Variants in CELA1 observed in about 807,000 individuals in gnomAD.
CELA1 encodes the protein chymotrypsin like elastase 1, also known as chymotrypsin-like elastase family member 1.
CELA1 carries 28 observed loss-of-function variants against 34.8 expected under a neutral mutation model. That is an observed-to-expected ratio of 0.80 (90% CI 0.60 to 1.10). The LOEUF (loss-of-function observed/expected upper bound fraction) is 1.10. Among genes scored for constraint, CELA1 ranks in the 50% least tolerant of loss-of-function variants. The probability of loss-of-function intolerance (pLI) is 0.00; values close to 1 mark genes in which losing one functional copy is unlikely to be tolerated. For missense variants in CELA1, 288 were observed against 327.5 expected, an observed-to-expected ratio of 0.88 and a Z score of 0.93; for synonymous variants, 140 against 129.8, an observed-to-expected ratio of 1.08 and a Z score of -0.53.
intron 6 of CELA1, among the ~76,000 whole-genome samples, chr12:51,333,051 G>A (rs916858765): frequency 5.3e-5 from 8 of 150,884 alleles, no homozygotes; most frequent in African/African-American, 1.2e-4. Context: ...TGCCTCAGCC[G>A]CCTGAGTAGC....
intron 6 of CELA1, among the ~76,000 whole-genome samples, chr12:51,338,769 C>T (rs1946515414): frequency 6.6e-6 from 1 of 152,164 alleles, no homozygotes; most frequent in Admixed American, 6.5e-5. Flanking sequence ...GCACTTAGCA[C>T]AATGCCTGGC....
chr12:51,345,945 T>A, intron 1 of CELA1, 68 bp from the exon 2 acceptor site: 1 of 1,075,470 alleles, frequency 9.3e-7, no homozygotes, highest in Non-Finnish European at 1.4e-6. Context: ...GGGTGGGGGG[T>A]GGCGATTGTG....
chr12:51,335,312 G>A (rs954769005), intron 6 of CELA1, among the ~76,000 whole-genome samples: 1 of 151,358 alleles, frequency 6.6e-6, no homozygotes, highest in Admixed American at 6.6e-5. Context: ...GCTGGAGTGC[G>A]GTGGTGCGAT....
chr12:51,341,097 AT>A lies in CELA1; in HGVS notation c.463+146del. ...TACTTCACAGCCCATTCTTAGCTTG[AT>A]ATAATGCATCAGTTATTGTATCTAT... On this transcript the variant is annotated intron_variant, in intron 5 of 7. Coordinates refer to ENST00000293636, the MANE Select transcript of CELA1 (RefSeq NM_001971.6). 4.1e-6 allele frequency: 3 copies of A among 728,946 alleles called. No homozygotes were observed. The East Asian group carries it at 7.7e-5, about 19-fold the overall frequency. 45.2% of individuals were successfully genotyped at this position (728,946 alleles called of 1,614,324 possible).
At chr12:51,340,095 T>C in intron 5 of CELA1, 90 bp from the exon 6 acceptor site, 1 of 1,252,038 alleles carries the variant, frequency 8.0e-7, no homozygotes, top group Non-Finnish European at 1.1e-6. Flanking sequence ...CAAACTCTCG[T>C]GAAAGCTGAG....
intron 7 of CELA1, 29 bp from the exon 8 acceptor site, chr12:51,328,623 C>G: frequency 6.2e-7 from 1 of 1,610,818 alleles, no homozygotes; most frequent in Non-Finnish European, 8.5e-7. Context: ...TGTCCACAGT[C>G]AGTAACTCCT....
At chr12:51,339,503 A>G (rs1328792080) in intron 6 of CELA1, among the ~76,000 whole-genome samples, 4 of 152,154 alleles carry the variant, frequency 2.6e-5, no homozygotes, top group Non-Finnish European at 5.9e-5. Context: ...GTGAGCCGAG[A>G]TCGTCCCATT....
intron 7 of CELA1, 85 bp from the exon 8 acceptor site, chr12:51,328,679 T>C: frequency 6.7e-7 from 1 of 1,490,624 alleles, no homozygotes; most frequent in African/African-American, 1.4e-5. Flanking sequence ...TTAAGTATGG[T>C]TTTGTACTGG....
chr12:51,329,911 G>T, intron 6 of CELA1, 78 bp from the exon 7 acceptor site: 2 of 1,386,302 alleles, frequency 1.4e-6, no homozygotes, highest in Non-Finnish European at 2.0e-6. Flanking sequence ...CCCGTCTCTG[G>T]TTGTGAAATT....
intron 7 of CELA1, 48 bp downstream of exon 7, chr12:51,329,636 T>A (rs753391221): frequency 1.5e-5 from 23 of 1,539,080 alleles, no homozygotes; most frequent in Non-Finnish European, 1.9e-5. Flanking sequence ...AGCCAGTGCG[T>A]AGGTCTCCAG....
At chr12:51,328,630 T>G in intron 7 of CELA1, 36 bp from the exon 8 acceptor site, 1 of 1,612,638 alleles carries the variant, frequency 6.2e-7, no homozygotes, top group Non-Finnish European at 8.5e-7. Context: ...AGTCAGTAAC[T>G]CCTGCCTACC....
rs1365216186 is a variant in CELA1, at chr12:51,328,581, T to C, written c.773A>G (p.Asn258Ser). The C allele has an allele frequency of 5.0e-6, 8 of 1,614,030 alleles. No individual in the cohort carries two copies. The South Asian group carries it at 7.7e-5, about 16-fold the overall frequency. The change falls in exon 8 of 8, where the codon AAC becomes AGC. Residue 258 changes from asparagine (N) to serine (S), a missense_variant. Asn to Ser is a conservative substitution (Grantham distance 46). Coordinates refer to ENST00000293636, the MANE Select transcript of CELA1 (RefSeq NM_001971.6). ...TCGTTGGACTCAGGAAAATGTTCAG[T>C]TGGAGGCGATGACCTGAAGGAAAGA... ...ISWINNVIAS[N>S]
intron 1 of CELA1, among the ~76,000 whole-genome samples, chr12:51,346,082 T>A (rs886307448): frequency 2.6e-5 from 4 of 151,802 alleles, no homozygotes; most frequent in African/African-American, 9.7e-5. Context: ...TTCCCCCAGG[T>A]GTTCCCAGAA....
At chr12:51,337,516 G>A (rs546526072) in intron 6 of CELA1, among the ~76,000 whole-genome samples, 1 of 104,528 alleles carries the variant, frequency 9.6e-6, no homozygotes, top group South Asian at 3.6e-4. Context: ...CAGCCTGAGT[G>A]ACAGAGCAAG....
At chr12:51,340,716 G>A (rs529905211) in intron 5 of CELA1, among the ~76,000 whole-genome samples, 1 of 152,252 alleles carries the variant, frequency 6.6e-6, no homozygotes, top group Admixed American at 6.5e-5. Flanking sequence ...TGTATAAAAT[G>A]AAGGGCTGGC....
chr12:51,329,244 ACT>A (rs1364332288), intron 7 of CELA1, among the ~76,000 whole-genome samples: 1 of 131,356 alleles, frequency 7.6e-6, no homozygotes, highest in African/African-American at 2.9e-5. Context: ...ACACAGTGAG[ACT>A]CTGTCTCAAA....
At chr12:51,329,981 A>C in intron 6 of CELA1, 148 bp from the exon 7 acceptor site, 2 of 625,744 alleles carry the variant, frequency 3.2e-6, no homozygotes, top group East Asian at 2.9e-5. Flanking sequence ...CACAATCAAA[A>C]TGAATCTCTT....
chr12:51,343,148 G>A (rs918552550), intron 3 of CELA1, among the ~76,000 whole-genome samples: 3 of 152,136 alleles, frequency 2.0e-5, no homozygotes, highest in African/African-American at 4.8e-5. Context: ...GGTGTAGTGC[G>A]CATAAATGAA....
intron 7 of CELA1, 58 bp downstream of exon 7, chr12:51,329,626 A>C: frequency 6.7e-7 from 1 of 1,488,580 alleles, no homozygotes; most frequent in Non-Finnish European, 9.0e-7. Flanking sequence ...TCCCCAACCC[A>C]GCCAGTGCGT....
Sources: gnomAD v4.1 joint callset for allele counts (sites outside exome capture counted in the v4.1 genomes callset) on GRCh38, gnomAD v4.1.1 for gene constraint, MANE v1.5 for transcripts, NCBI Gene and HGNC (gene_info 2026-07-23, HGNC 2026-07-21) for gene names.